Variants in CTNNA2 observed in about 807,000 individuals in gnomAD.
CTNNA2 encodes the protein catenin alpha-2.
Under a neutral mutation model 101.0 loss-of-function variants are expected in CTNNA2, and 42 were observed. The observed-to-expected ratio is 0.42, with a 90% CI of 0.32 to 0.54. The LOEUF (loss-of-function observed/expected upper bound fraction) is 0.54. CTNNA2 is among the 20% of genes least tolerant of loss of function. The pLI is 0.14. For synonymous variants in CTNNA2, 450 were observed against 456.4 expected, an observed-to-expected ratio of 0.99 and a Z score of 0.18; for missense variants, 871 against 1,223.1, an observed-to-expected ratio of 0.71 and a Z score of 4.29.
At chr2:79,900,210 G>C (rs1684984861) in intron 6 of CTNNA2, among the ~76,000 whole-genome samples, 1 of 151,964 alleles carries the variant, frequency 6.6e-6, no homozygotes, top group Non-Finnish European at 1.5e-5. Flanking sequence ...TTATTTCCCT[G>C]TTTATAGGCA....
intron 9 of CTNNA2, among the ~76,000 whole-genome samples, chr2:80,487,628 T>C (rs1323581654): frequency 6.6e-6 from 1 of 152,150 alleles, no homozygotes; most frequent in Non-Finnish European, 1.5e-5. Context: ...ACTGGGTCTT[T>C]CCCATGACAC....
intron 17 of CTNNA2, among the ~76,000 whole-genome samples, chr2:80,615,593 G>A (rs533820784): frequency 6.6e-6 from 1 of 151,628 alleles, no homozygotes; most frequent in South Asian, 2.1e-4. Flanking sequence ...TTTTCAGCTA[G>A]AATAGCAGAG....
At chr2:80,616,565 G>C (rs545042394) in intron 17 of CTNNA2, 1 of 151,612 alleles carries the variant, frequency 6.6e-6, no homozygotes, top group Non-Finnish European at 1.5e-5. Context: ...ACATCTGTCT[G>C]GTCAGAATGA....
At chr2:80,327,746 A>G (rs973956759) in intron 7 of CTNNA2, among the ~76,000 whole-genome samples, 2 of 152,316 alleles carry the variant, frequency 1.3e-5, no homozygotes, top group African/African-American at 4.8e-5. Context: ...AGAAGTATAA[A>G]CAGAGCTTTA....
intron 7 of CTNNA2, among the ~76,000 whole-genome samples, chr2:80,179,290 A>G (rs1019180086): frequency 7.2e-5 from 11 of 152,228 alleles, no homozygotes; most frequent in African/African-American, 2.7e-4. Flanking sequence ...TCCAAGATCC[A>G]TCTGTCTTCT....
chr2:80,001,641 A>G (rs920570758), intron 7 of CTNNA2, among the ~76,000 whole-genome samples: 2 of 152,144 alleles, frequency 1.3e-5, no homozygotes, highest in African/African-American at 4.8e-5. Flanking sequence ...TTTGCAATCT[A>G]TTGCAAAGGG....
At chr2:80,625,068 G>C (rs1208074800) in intron 18 of CTNNA2, among the ~76,000 whole-genome samples, 2 of 151,904 alleles carry the variant, frequency 1.3e-5, no homozygotes, top group Non-Finnish European at 2.9e-5. Flanking sequence ...CAACAGCTAT[G>C]TGGTTTTGAT....
At chr2:79,916,973 G>T (rs1284483088) in intron 7 of CTNNA2, among the ~76,000 whole-genome samples, 3 of 152,058 alleles carry the variant, frequency 2.0e-5, no homozygotes, top group African/African-American at 7.2e-5. Flanking sequence ...TTGAGACGGA[G>T]TCTGGCTCTA....
intron 7 of CTNNA2, among the ~76,000 whole-genome samples, chr2:80,145,485 T>G (rs912617952): frequency 6.6e-6 from 1 of 152,160 alleles, no homozygotes; most frequent in African/African-American, 2.4e-5. Context: ...CCATGCTGCC[T>G]CCCCAAAGCA....
chr2:80,459,491 T>G (rs1040323637), intron 9 of CTNNA2, among the ~76,000 whole-genome samples: 1 of 152,166 alleles, frequency 6.6e-6, no homozygotes, highest in Admixed American at 6.6e-5. Flanking sequence ...AGTTTTCTTA[T>G]CCTGCTTATC....
chr2:79,997,815 G>A (rs1692665007), intron 7 of CTNNA2, among the ~76,000 whole-genome samples: 1 of 152,174 alleles, frequency 6.6e-6, no homozygotes, highest in South Asian at 2.1e-4. Context: ...TGGCCATGGA[G>A]AATTAAGGCG....
At position 80,005,389 on chromosome 2, in the gene CTNNA2, C is replaced by T. The variant is rs184959448; in HGVS notation, c.1056+95592C>T. On this transcript the variant is annotated intron_variant, in intron 7 of 18. Transcript: ENST00000402739. Reference sequence around the variant, plus strand: ...TGAGGCTTTCAAATCTCTTGTTTACCATCTCCTACCATGAGTTCCTATCAC... The same window carrying T: ...TGAGGCTTTCAAATCTCTTGTTTACTATCTCCTACCATGAGTTCCTATCAC... 1.1e-4 allele frequency among the ~76,000 whole-genome samples: 17 copies of T among 152,196 alleles called. No homozygotes were observed. The East Asian group carries it at 3.1e-3, about 28-fold the overall frequency.
At chr2:79,959,347 T>A (rs6547288) in intron 7 of CTNNA2, among the ~76,000 whole-genome samples, 93,812 of 152,124 alleles carry the variant, frequency 0.62, 29,301 homozygotes, top group East Asian at 0.7. Context: ...GTCTAGTGAG[T>A]AATTTAGAAC....
In CTNNA2 at chr2:79,516,415, C is replaced by G. The variant is rs1356999655; in HGVS notation, c.-6+3208C>G. The stretch of plus-strand genomic sequence containing the variant: ...ATTATATTTGGTAGTAGCACTGGAG[C>G]TTGGACAGAGACTCCTGGGAATGAT... On this transcript the variant is annotated intron_variant, in intron 1 of 18. Coordinates refer to ENST00000402739, the MANE Select transcript of CTNNA2 (RefSeq NM_001282597.3). Among the ~76,000 whole-genome samples the G allele has an allele frequency of 2.0e-5, 3 of 152,058 alleles. No individual in the cohort carries two copies. In the South Asian group the frequency reaches 6.2e-4, roughly 32 times the overall value.
chr2:79,369,569 A>G (rs952551077), intron 3 of CTNNA2, among the ~76,000 whole-genome samples: 1 of 152,140 alleles, frequency 6.6e-6, no homozygotes, highest in African/African-American at 2.4e-5. Flanking sequence ...AGCAACCTAC[A>G]GAAGCTCCCC....
chr2:80,452,249 G>A (rs569223322), intron 9 of CTNNA2, among the ~76,000 whole-genome samples: 5 of 151,854 alleles, frequency 3.3e-5, no homozygotes, highest in African/African-American at 1.2e-4. Flanking sequence ...CCTGTTTACA[G>A]CTGTTGTGAT....
At chr2:79,375,086 G>A (rs1270142451) in intron 4 of CTNNA2, among the ~76,000 whole-genome samples, 1 of 152,122 alleles carries the variant, frequency 6.6e-6, no homozygotes, top group Non-Finnish European at 1.5e-5. Flanking sequence ...CCCGTAAATT[G>A]TTTGTTGTTG....
At chr2:80,043,005 CTTCCTTTCT>C in intron 7 of CTNNA2, among the ~76,000 whole-genome samples, 1 of 149,374 alleles carries the variant, frequency 6.7e-6, no homozygotes, top group Non-Finnish European at 1.5e-5. Context: ...CCTTCCTTTC[CTTCCTTTCT>C]TTCCCTTTCT....
intron 2 of CTNNA2, among the ~76,000 whole-genome samples, chr2:79,224,260 T>C (rs1181777600): frequency 6.6e-6 from 1 of 152,184 alleles, no homozygotes; most frequent in African/African-American, 2.4e-5. Context: ...ATGAGTAAGA[T>C]CAAAATGAAT....
Sources: allele counts gnomAD v4.1 joint callset (sites outside exome capture counted in the v4.1 genomes callset), GRCh38; gene constraint gnomAD v4.1.1; transcripts MANE v1.5; gene names NCBI Gene and HGNC (gene_info 2026-07-23, HGNC 2026-07-21).